The following AGAP1 variants were observed in gnomAD, a reference collection of about 807,000 sequenced individuals.
AGAP1 encodes ArfGAP with GTPase domain, ankyrin repeat and PH domain 1.
Under a neutral mutation model 105.3 loss-of-function variants are expected in AGAP1, and 29 were observed. The observed-to-expected ratio is 0.28, with a 90% CI of 0.21 to 0.38. AGAP1 has a LOEUF of 0.38. Among genes scored for constraint, AGAP1 ranks in the 10% least tolerant of loss-of-function variants. The pLI, the probability that AGAP1 is intolerant of heterozygous loss-of-function variation, is 1.00. For synonymous variants in AGAP1, 509 were observed against 485.9 expected (o/e 1.05, Z -0.63); for missense variants, 998 against 1,165.1 (o/e 0.86, Z 2.09).
rs1224262290 is a variant in AGAP1, at chr2:235,621,833, G to A, written c.164-87346G>A. 6.6e-6 allele frequency among the ~76,000 whole-genome samples: 1 copy of A among 152,206 alleles called. No homozygotes were observed. Among genetic ancestry groups the A allele is most frequent in the Non-Finnish European group, 1.5e-5 (1 of 68,024 alleles). On this transcript the variant is annotated intron_variant, in intron 1 of 17. Transcript: ENST00000304032. The surrounding 1 kb of genome is among the most constrained non-coding windows in gnomAD (Gnocchi z 4.1). ...CAGTAACCCCCTGGGAGCGGCTGCT[G>A]ATGTTCTGGCTCTCTGCAGTTGGGT...
chr2:236,100,734 G>A (rs538958258), intron 16 of AGAP1, among the ~76,000 whole-genome samples: 142 of 152,072 alleles, frequency 9.3e-4, no homozygotes, highest in African/African-American at 3.3e-3. Flanking sequence ...GGAGGCTGAG[G>A]CAGGAGAATC....
intron 1 of AGAP1, among the ~76,000 whole-genome samples, chr2:235,686,597 G>GTA (rs1949404451): frequency 1.8e-5 from 2 of 111,670 alleles, no homozygotes; most frequent in Non-Finnish European, 1.8e-5. Context: ...ACGTGTGTGT[G>GTA]TATATATATA....
At chr2:236,118,745 C>T (rs2059831984) in intron 16 of AGAP1, among the ~76,000 whole-genome samples, 1 of 152,088 alleles carries the variant, frequency 6.6e-6, no homozygotes, top group South Asian at 2.1e-4. Context: ...CCTGGCTGGG[C>T]TTGGCTCCTG....
In AGAP1 at chr2:236,130,612, G is replaced by C. The variant is rs541186671; in HGVS notation, c.*6490G>C. On this transcript the variant is annotated 3_prime_UTR_variant, in exon 18 of 18. Transcript: ENST00000304032. The surrounding 1 kb of genome is among the most constrained non-coding windows in gnomAD (Gnocchi z 5.8). ...AAGACACTGGAAGCCCACTCGGTCA[G>C]CAGCTGGGCATGAGGATGTCAGGGG... 6.6e-6 allele frequency: 1 copy of C among 152,466 alleles called. No individual in the cohort carries two copies. Among genetic ancestry groups the C allele is most frequent in the East Asian group, 1.9e-4 (1 of 5,190 alleles). The allele number at this position is 152,466 out of a possible 1,614,324, so 9.4% of individuals were successfully genotyped here.
At chr2:235,713,949 A>G (rs370138963) in intron 2 of AGAP1, among the ~76,000 whole-genome samples, 1 of 152,016 alleles carries the variant, frequency 6.6e-6, no homozygotes, top group South Asian at 2.1e-4. Context: ...TGCTCCCACA[A>G]CTGCCACACC....
rs931309879 is a variant in AGAP1, at chr2:235,716,781, G to A, written c.223-776G>A. 3.3e-5 allele frequency among the ~76,000 whole-genome samples: 5 copies of A among 152,104 alleles called. No individual in the cohort carries two copies. Among genetic ancestry groups the A allele is most frequent in the Non-Finnish European group, 7.4e-5 (5 of 68,020 alleles). Reference sequence around the variant, plus strand: ...CCACTTGGAGGCTGGGAGGCCAGGTGTGTCTCCTGTGTCAACAGGGAGGCT... The same window carrying A: ...CCACTTGGAGGCTGGGAGGCCAGGTATGTCTCCTGTGTCAACAGGGAGGCT... On this transcript the variant is annotated intron_variant, in intron 2 of 17. Transcript: ENST00000304032. This position sits in a 1 kb window ranked among gnomAD's most constrained non-coding sequence, Gnocchi z 4.0.
rs781247593 is a variant in AGAP1, at chr2:235,549,566, T to C, written c.163+54717T>C. 1.1e-4 allele frequency among the ~76,000 whole-genome samples: 16 copies of C among 152,206 alleles called. No individual in the cohort carries two copies. Among genetic ancestry groups the C allele is most frequent in the Non-Finnish European group, 2.2e-4 (15 of 68,034 alleles). Reference sequence around the variant, plus strand: ...TACAGAGTTGCATTGCTCCTCCGTCTTCCGCGTGCCTGTGGGCAGCTTTTG... The same window carrying C: ...TACAGAGTTGCATTGCTCCTCCGTCCTCCGCGTGCCTGTGGGCAGCTTTTG... On this transcript the variant is annotated intron_variant, in intron 1 of 17. Transcript: ENST00000304032. The surrounding 1 kb of genome is among the most constrained non-coding windows in gnomAD (Gnocchi z 4.2).
At position 235,691,087 on chromosome 2, in the gene AGAP1, C is replaced by T. The variant is rs997509729; in HGVS notation, c.164-18092C>T. Among the ~76,000 whole-genome samples the T allele has an allele frequency of 1.3e-5, 2 of 152,128 alleles. No homozygotes were observed. Among genetic ancestry groups the T allele is most frequent in the African/African-American group, 4.8e-5 (2 of 41,432 alleles). On this transcript the variant is annotated intron_variant, in intron 1 of 17. Transcript: ENST00000304032. This position sits in a 1 kb window ranked among gnomAD's most constrained non-coding sequence, Gnocchi z 4.4. ...GGTTGTAGACAAGATTCTACCCCCT[C>T]CTCCAGACTCTGCTCCCTAGGCCGA...
chr2:235,634,899 G>T (rs1045775330), intron 1 of AGAP1, among the ~76,000 whole-genome samples: 1 of 152,176 alleles, frequency 6.6e-6, no homozygotes, highest in Non-Finnish European at 1.5e-5. Context: ...GTTAGGATGT[G>T]TTTGTTCCAT....
At chr2:235,749,760 ATCTTACAT>A (rs747569088) in intron 5 of AGAP1, among the ~76,000 whole-genome samples, 1 of 152,218 alleles carries the variant, frequency 6.6e-6, no homozygotes, top group Non-Finnish European at 1.5e-5. Flanking sequence ...CAGTGTGGCC[ATCTTACAT>A]TCAGAACCAT....
chr2:235,973,614 A>T lies in AGAP1; in HGVS notation c.1645+4991A>T, dbSNP rs2125372236. Among the ~76,000 whole-genome samples, 1 of 152,302 alleles carries T rather than the reference A, an allele frequency of 6.6e-6. No individual in the cohort carries two copies. The highest frequency in any genetic ancestry group is 1.9e-4 in the East Asian group (1 of 5,176). ...GAGGCATGGTGACTGTGACCAGCTG[A>T]TGGAAGGTTTGCAAAGAAGGGCGTC... On this transcript the variant is annotated intron_variant, in intron 13 of 17. Coordinates refer to ENST00000304032, the MANE Select transcript of AGAP1 (RefSeq NM_001037131.3). This position sits in a 1 kb window ranked among gnomAD's most constrained non-coding sequence, Gnocchi z 4.7.
intron 1 of AGAP1, among the ~76,000 whole-genome samples, chr2:235,708,653 A>G (rs2149508847): frequency 6.6e-6 from 1 of 152,344 alleles, no homozygotes; most frequent in East Asian, 1.9e-4. Flanking sequence ...ACTTACAAAC[A>G]CTGAAGTGTT....
rs2057444894 is a variant in AGAP1, at chr2:236,038,361, A to ACTCTGAGCCCCTGCCAC, written c.1800+1650_1800+1666dup. On this transcript the variant is annotated intron_variant, in intron 14 of 17. Transcript: ENST00000304032. This position sits in a 1 kb window ranked among gnomAD's most constrained non-coding sequence, Gnocchi z 4.5. ...GAGAAATCACAGTCTTTCACGGCAGACTCTGAGCCCCTGCCACCTCGACCT... is the reference window on the plus strand; with the variant it reads ...GAGAAATCACAGTCTTTCACGGCAGACTCTGAGCCCCTGCCACCTCTGAGCCCCTGCCACCTCGACCT... 6.6e-6 allele frequency among the ~76,000 whole-genome samples: 1 copy of ACTCTGAGCCCCTGCCAC among 152,068 alleles called. No homozygotes were observed. The highest frequency in any genetic ancestry group is 6.5e-5 in the Admixed American group (1 of 15,276).
Position 235,720,074 on chromosome 2 carries a change from G to A in AGAP1, c.310+2430G>A, listed in dbSNP as rs73126420. ...TGTGTGCCTCATGACAGTGGCAGGAGGGAGCCATAACTTGTTGTAATGTCA... is the reference window on the plus strand; with the variant it reads ...TGTGTGCCTCATGACAGTGGCAGGAAGGAGCCATAACTTGTTGTAATGTCA... On this transcript the variant is annotated intron_variant, in intron 3 of 17. Coordinates refer to ENST00000304032, the MANE Select transcript of AGAP1 (RefSeq NM_001037131.3). The surrounding 1 kb of genome is among the most constrained non-coding windows in gnomAD (Gnocchi z 5.0). Among the ~76,000 whole-genome samples the A allele has an allele frequency of 2.4e-3, 364 of 152,258 alleles. 1 individual carries two copies. Among genetic ancestry groups the A allele is most frequent in the African/African-American group, 8.3e-3 (344 of 41,560 alleles).
intron 1 of AGAP1, among the ~76,000 whole-genome samples, chr2:235,584,872 G>A (rs1174557484): frequency 7.4e-6 from 1 of 135,242 alleles, no homozygotes; most frequent in Non-Finnish European, 1.6e-5. Flanking sequence ...ATTGGCTATT[G>A]TGTATCGTGT....
At chr2:235,805,592 C>G (rs1957797528) in intron 8 of AGAP1, among the ~76,000 whole-genome samples, 2 of 151,886 alleles carry the variant, frequency 1.3e-5, no homozygotes, top group African/African-American at 4.8e-5. Context: ...CTTTGAAATT[C>G]ATTTTAAAAC....
intron 6 of AGAP1, among the ~76,000 whole-genome samples, chr2:235,776,109 A>G (rs1192847712): frequency 1.3e-5 from 2 of 152,156 alleles, no homozygotes; most frequent in Non-Finnish European, 2.9e-5. Flanking sequence ...CCTCTTAAGA[A>G]CTGATTTTGC....
rs2055456610 is a variant in AGAP1, at chr2:235,989,301, G to A, written c.1645+20678G>A. Among the ~76,000 whole-genome samples the A allele has an allele frequency of 6.6e-6, 1 of 152,176 alleles. No individual in the cohort carries two copies. Among genetic ancestry groups the A allele is most frequent in the Non-Finnish European group, 1.5e-5 (1 of 68,028 alleles). ...GCGTGTGGCTTCACCCAGCTCCTCTGCCCATCTGGTGACTTTGCAAGCTCA... is the reference window on the plus strand; with the variant it reads ...GCGTGTGGCTTCACCCAGCTCCTCTACCCATCTGGTGACTTTGCAAGCTCA... On this transcript the variant is annotated intron_variant, in intron 13 of 17. Coordinates refer to ENST00000304032, the MANE Select transcript of AGAP1 (RefSeq NM_001037131.3). The surrounding 1 kb of genome is among the most constrained non-coding windows in gnomAD (Gnocchi z 4.4).
chr2:236,114,941 C>T lies in AGAP1; in HGVS notation c.2115-5251C>T, dbSNP rs188935178. ...TTTAAACCAGCCAGACTCCTTCTTA[C>T]CCCAGAGTCTCAGGATCCTCTGCAC... On this transcript the variant is annotated intron_variant, in intron 16 of 17. Coordinates refer to ENST00000304032, the MANE Select transcript of AGAP1 (RefSeq NM_001037131.3). This position sits in a 1 kb window ranked among gnomAD's most constrained non-coding sequence, Gnocchi z 5.0. Among the ~76,000 whole-genome samples the T allele has an allele frequency of 5.1e-4, 78 of 152,294 alleles. No homozygotes were observed. Among genetic ancestry groups the T allele is most frequent in the Non-Finnish European group, 1.0e-3 (69 of 68,016 alleles).
Sources: gnomAD v4.1 joint callset for allele counts (sites outside exome capture counted in the v4.1 genomes callset) on GRCh38, gnomAD v4.1.1 for gene constraint, Gnocchi (gnomAD v3.1) non-coding constraint, MANE v1.5 for transcripts, NCBI Gene and HGNC (gene_info 2026-07-23, HGNC 2026-07-21) for gene names.